The following SYNE1 variants were observed in gnomAD, a reference collection of about 807,000 sequenced individuals.
The protein encoded by SYNE1 is spectrin repeat containing nuclear envelope protein 1, also known as nesprin-1.
SYNE1 carries 616 observed loss-of-function variants against 1,111.0 expected under a neutral mutation model. The ratio of observed to expected loss-of-function variants is 0.55; its 90% confidence interval spans 0.52 to 0.59. SYNE1 has a LOEUF of 0.59. SYNE1 is among the 20% of genes least tolerant of loss of function. The pLI, the probability that SYNE1 is intolerant of heterozygous loss-of-function variation, is 0.00. For synonymous variants in SYNE1, 3,855 were observed against 3,825.8 expected, an observed-to-expected ratio of 1.01 and a Z score of -0.28; for missense variants, 10,006 against 10,417.0, an observed-to-expected ratio of 0.96 and a Z score of 1.72.
chr6:152,574,926 C>A (rs2099490413), intron 3 of SYNE1, among the ~76,000 whole-genome samples: 1 of 152,052 alleles, frequency 6.6e-6, no homozygotes, highest in Admixed American at 6.6e-5. Flanking sequence ...ATTTTGTTTG[C>A]TTTTCATTTC....
At chr6:152,511,448 A>T (rs1245674735) in intron 6 of SYNE1, 1 of 853,402 alleles carries the variant, frequency 1.2e-6, no homozygotes, top group Non-Finnish European at 1.9e-6. Context: ...AGCTTAAAAG[A>T]AACTGCAATG....
At chr6:152,430,953 T>C (rs76844148) in intron 34 of SYNE1, among the ~76,000 whole-genome samples, 1 of 152,124 alleles carries the variant, frequency 6.6e-6, no homozygotes, top group South Asian at 2.1e-4. Context: ...ATAGCTACTC[T>C]TGCTTGCAGT....
At chr6:152,465,082 A>C (rs961137704) in intron 18 of SYNE1, 176 bp downstream of exon 18, 1 of 671,226 alleles carries the variant, frequency 1.5e-6, no homozygotes, top group East Asian at 2.7e-5. Flanking sequence ...ATCAGCTTCT[A>C]TTAAGCAGTG....
chr6:152,196,566 G>C (rs933076142), intron 127 of SYNE1, among the ~76,000 whole-genome samples: 4 of 152,020 alleles, frequency 2.6e-5, no homozygotes, highest in African/African-American at 9.7e-5. Flanking sequence ...GGTGTGTCTA[G>C]AAATGTCTGG....
intron 13 of SYNE1, 127 bp from the exon 14 acceptor site, chr6:152,483,376 A>G (rs1422141021): frequency 4.8e-6 from 4 of 836,310 alleles, no homozygotes; most frequent in Middle Eastern, 3.4e-4. Flanking sequence ...GTTAATAAAT[A>G]TCAAATAAGC....
chr6:152,332,233 C>T (rs1218605224), intron 77 of SYNE1, among the ~76,000 whole-genome samples: 2 of 152,192 alleles, frequency 1.3e-5, no homozygotes, highest in African/African-American at 4.8e-5. Context: ...CTCAGCCTCC[C>T]AAAGTGCTAG....
At chr6:152,281,736 A>G (rs1283652351) in intron 97 of SYNE1, 71 bp downstream of exon 97, 1 of 1,538,676 alleles carries the variant, frequency 6.5e-7, no homozygotes, top group Admixed American at 1.7e-5. Context: ...GCCTTTTTAT[A>G]GTATGTTTTC....
chr6:152,490,221 G>C (rs1040643560), intron 11 of SYNE1, among the ~76,000 whole-genome samples: 1 of 152,046 alleles, frequency 6.6e-6, no homozygotes, highest in African/African-American at 2.4e-5. Context: ...ATATGTGTAG[G>C]TTATATGCAA....
intron 21 of SYNE1, 126 bp downstream of exon 21, chr6:152,461,471 T>G: frequency 8.4e-7 from 1 of 1,195,100 alleles, no homozygotes; most frequent in Non-Finnish European, 1.2e-6. Context: ...AAATTGAGAA[T>G]CCCAATTAGA....
intron 50 of SYNE1, among the ~76,000 whole-genome samples, chr6:152,395,959 G>A (rs575602781): frequency 3.3e-5 from 5 of 152,196 alleles, no homozygotes; most frequent in East Asian, 3.9e-4. Flanking sequence ...ACATTCCCAC[G>A]TCAATGAGCA....
At chr6:152,386,049 T>A (rs150479501) in intron 54 of SYNE1, among the ~76,000 whole-genome samples, 40 of 152,368 alleles carry the variant, frequency 2.6e-4, no homozygotes, top group African/African-American at 9.1e-4. Flanking sequence ...CCTGTAAGTT[T>A]ACTATTTTCT....
At chr6:152,400,199 C>T (rs556407615) in intron 47 of SYNE1, among the ~76,000 whole-genome samples, 2 of 151,022 alleles carry the variant, frequency 1.3e-5, no homozygotes, top group East Asian at 3.9e-4. Flanking sequence ...CACGTGCTCA[C>T]CAAAAGCACC....
Position 152,450,809 on chromosome 6 carries a change from G to T in SYNE1, c.3211C>A (p.His1071Asn). The T allele has an allele frequency of 6.2e-7, 1 of 1,614,072 alleles. No homozygotes were observed. The highest frequency in any genetic ancestry group is 8.5e-7 in the Non-Finnish European group (1 of 1,180,028). ...HRVFFSDKGP[H>N]HLCEKRLQLI... ...TGTAACCTTTTCTCACAGAGATGAT[G>T]AGGACCTTTGTCACTGAAGAAAACC... Residue 1071 changes from histidine (H) to asparagine (N), a missense_variant, in exon 27 of 146, where the codon CAT (histidine) becomes AAT (asparagine). By Grantham distance (68) the His-to-Asn change is moderately conservative. Transcript: ENST00000367255.
At chr6:152,375,325 G>C (rs2097261171) in intron 58 of SYNE1, among the ~76,000 whole-genome samples, 2 of 152,148 alleles carry the variant, frequency 1.3e-5, no homozygotes, top group South Asian at 4.1e-4. Context: ...TTAAAAAGGT[G>C]AACTACATAT....
intron 107 of SYNE1, 117 bp from the exon 108 acceptor site, chr6:152,239,823 C>A: frequency 9.1e-7 from 1 of 1,098,472 alleles, no homozygotes; most frequent in East Asian, 2.5e-5. Flanking sequence ...GTTGGGGAGG[C>A]TGAAGTGGGT....
intron 3 of SYNE1, among the ~76,000 whole-genome samples, chr6:152,608,661 C>A (rs2099622761): frequency 6.6e-6 from 1 of 152,134 alleles, no homozygotes; most frequent in African/African-American, 2.4e-5. Flanking sequence ...TAGGGCAGGG[C>A]ACAGTGGCTC....
rs370439893 is a variant in SYNE1, at chr6:152,318,183, A to G, written c.16470T>C (p.Asn5490=). Residue 5490 remains asparagine, a synonymous_variant, in exon 86 of 146, where the codon AAT becomes AAC. Coordinates refer to ENST00000367255, the MANE Select transcript of SYNE1 (RefSeq NM_182961.4). ...DAAVQKFLEQ[N]GQLGKPLAKK... ...TGGCCAGTGGCTTACCCAGTTGGCC[A>G]TTCTGTTCCAAGAATTTCTGTACTG... 18 of 1,614,040 alleles carry G rather than the reference A, an allele frequency of 1.1e-5. No individual in the cohort carries two copies. Among genetic ancestry groups the G allele is most frequent in the Non-Finnish European group, 1.5e-5 (18 of 1,180,034 alleles).
In SYNE1 at chr6:152,216,776, C is replaced by T. The variant is rs187717293; in HGVS notation, c.22191+1481G>A. Among the ~76,000 whole-genome samples the T allele has an allele frequency of 4.5e-3, 692 of 152,298 alleles. 6 individuals are homozygous for T. The highest frequency in any genetic ancestry group is 6.2e-3 in the Non-Finnish European group (419 of 68,024). ...AATATTTAAAATCATTCACAATTGG[C>T]AGGGCACAGTGGCTCATGCCTGTAA... is the stretch of plus-strand genomic sequence containing the variant. On this transcript the variant is annotated intron_variant, in intron 121 of 145. Coordinates refer to ENST00000367255, the MANE Select transcript of SYNE1 (RefSeq NM_182961.4).
intron 95 of SYNE1, among the ~76,000 whole-genome samples, chr6:152,293,208 G>A (rs138236976): frequency 8.8e-4 from 134 of 152,292 alleles, no homozygotes; most frequent in African/African-American, 3.0e-3. Flanking sequence ...CAACAATATC[G>A]AGAAAAGGTA....
Sources: gnomAD v4.1 joint callset for allele counts (sites outside exome capture counted in the v4.1 genomes callset) on GRCh38, gnomAD v4.1.1 for gene constraint, MANE v1.5 for transcripts, NCBI Gene and HGNC (gene_info 2026-07-23, HGNC 2026-07-21) for gene names.